Variants in TASP1 observed in about 807,000 individuals in gnomAD.
The protein encoded by TASP1 is threonine aspartase 1.
A neutral mutation model predicts 56.6 loss-of-function variants in TASP1; 16 were observed. The observed-to-expected ratio is 0.28, with a 90% CI of 0.19 to 0.43. The LOEUF (loss-of-function observed/expected upper bound fraction) is 0.43, where lower values mean the gene tolerates loss of function less well. Among genes scored for constraint, TASP1 ranks in the 20% least tolerant of loss-of-function variants. The pLI is 1.00. For missense variants in TASP1, 393 were observed against 511.6 expected (o/e 0.77, Z 2.24); for synonymous variants, 179 against 184.2 (o/e 0.97, Z 0.23).
intron 11 of TASP1, among the ~76,000 whole-genome samples, chr20:13,451,921 CAG>C (rs1244427621): frequency 6.6e-6 from 1 of 152,028 alleles, no homozygotes; most frequent in Admixed American, 6.6e-5. Context: ...CCTGAAGATG[CAG>C]AGTCATTAAT....
intron 8 of TASP1, among the ~76,000 whole-genome samples, chr20:13,546,754 G>T (rs117933627): frequency 6.6e-6 from 1 of 152,156 alleles, no homozygotes; most frequent in African/African-American, 2.4e-5. Flanking sequence ...CACCTCTTTG[G>T]AATGGCCAGT....
intron 13 of TASP1, among the ~76,000 whole-genome samples, chr20:13,394,228 G>A (rs1446603561): frequency 1.4e-5 from 2 of 142,076 alleles, no homozygotes; most frequent in Non-Finnish European, 3.0e-5. Flanking sequence ...AGGTTGCAGT[G>A]AGCCAACCTC....
intron 1 of TASP1, among the ~76,000 whole-genome samples, chr20:13,630,825 T>C (rs2049060743): frequency 6.6e-6 from 1 of 152,104 alleles, no homozygotes; most frequent in Admixed American, 6.5e-5. Context: ...CCAGTGTTTA[T>C]TACCAGCCCA....
intron 13 of TASP1, among the ~76,000 whole-genome samples, chr20:13,410,469 T>G (rs1433500640): frequency 6.6e-6 from 1 of 152,200 alleles, no homozygotes; most frequent in Non-Finnish European, 1.5e-5. Flanking sequence ...TTTCGTTTTT[T>G]CTGCATCCTC....
downstream of TASP1, among the ~76,000 whole-genome samples, chr20:13,385,022 A>G (rs1167598148): frequency 6.6e-6 from 1 of 152,250 alleles, no homozygotes; most frequent in African/African-American, 2.4e-5. Context: ...TGCCTTAAAC[A>G]TTTAGTTTTA....
At chr20:13,155,529 T>A in the TASP1 span, among the ~76,000 whole-genome samples, 2 of 152,076 alleles carry the variant, frequency 1.3e-5, no homozygotes, top group African/African-American at 4.8e-5. Context: ...TCACAAGCAG[T>A]TAAAACACAC....
chr20:13,456,385 G>A (rs2043836338), intron 11 of TASP1, among the ~76,000 whole-genome samples: 2 of 152,174 alleles, frequency 1.3e-5, no homozygotes, highest in East Asian at 1.9e-4. Context: ...GGGCAATTTT[G>A]TGAAAGTTTT....
chr20:13,626,676 A>T (rs2048903129), intron 2 of TASP1, among the ~76,000 whole-genome samples: 1 of 152,134 alleles, frequency 6.6e-6, no homozygotes, highest in African/African-American at 2.4e-5. Context: ...AGAACTCTGA[A>T]CATTCACAGA....
chr20:13,443,308 CAAAA>C (rs376722947), intron 11 of TASP1, among the ~76,000 whole-genome samples: 15 of 152,062 alleles, frequency 9.9e-5, no homozygotes, highest in African/African-American at 1.4e-4. Context: ...GTAAAGAAAA[CAAAA>C]AGAAAGAAAA....
chr20:13,380,303 T>A, the TASP1 span, among the ~76,000 whole-genome samples: 2 of 152,250 alleles, frequency 1.3e-5, no homozygotes, highest in Non-Finnish European at 2.9e-5. Context: ...CCTTTTTGTT[T>A]GTTAGTTTTC....
the TASP1 span, among the ~76,000 whole-genome samples, chr20:13,208,473 A>T: frequency 1.3e-5 from 2 of 152,108 alleles, no homozygotes; most frequent in African/African-American, 4.8e-5. Context: ...AGATTACAAA[A>T]CCAGCCACAC....
chr20:13,433,634 AT>A (rs1405866641), intron 12 of TASP1, among the ~76,000 whole-genome samples: 1 of 151,862 alleles, frequency 6.6e-6, no homozygotes, highest in African/African-American at 2.4e-5. Context: ...TTTTATGAAA[AT>A]GTTTTGGGCA....
chr20:13,247,030 G>T, the TASP1 span, among the ~76,000 whole-genome samples: 3 of 152,122 alleles, frequency 2.0e-5, no homozygotes, highest in African/African-American at 4.8e-5. Flanking sequence ...GAGATCAGGA[G>T]TTAGAGACCA....
intron 13 of TASP1, among the ~76,000 whole-genome samples, chr20:13,395,059 A>G (rs2041471200): frequency 6.6e-6 from 1 of 152,210 alleles, no homozygotes; most frequent in Non-Finnish European, 1.5e-5. Flanking sequence ...ATCTTCCAAG[A>G]CCACCTTAGA....
chr20:13,186,142 G>A, the TASP1 span, among the ~76,000 whole-genome samples: 139 of 152,316 alleles, frequency 9.1e-4, 2 homozygotes, highest in Middle Eastern at 0.017. Flanking sequence ...CCCAGTCTTA[G>A]AAGGGGGCCA....
the TASP1 span, among the ~76,000 whole-genome samples, chr20:13,270,225 G>A: frequency 6.6e-6 from 1 of 152,146 alleles, no homozygotes; most frequent in Non-Finnish European, 1.5e-5. Context: ...CCTCAAAATA[G>A]TGTTTTCATT....
chr20:13,390,998 T>A (rs921334582), intron 13 of TASP1, among the ~76,000 whole-genome samples: 3 of 152,040 alleles, frequency 2.0e-5, no homozygotes, highest in African/African-American at 7.2e-5. Context: ...AAGACGGAAG[T>A]GGGGCCAACG....
intron 4 of TASP1, chr20:13,614,577 C>T (rs754132949): frequency 4.1e-4 from 75 of 184,254 alleles, no homozygotes; most frequent in Non-Finnish European, 7.0e-4. Context: ...CAAAAAGGCA[C>T]TGCACATCTG....
At chr20:13,446,664 T>C (rs2043423158) in intron 11 of TASP1, among the ~76,000 whole-genome samples, 1 of 152,096 alleles carries the variant, frequency 6.6e-6, no homozygotes, top group African/African-American at 2.4e-5. Flanking sequence ...AAATTCTTCT[T>C]ATCAATAAAG....
Sources: gnomAD v4.1 joint callset for allele counts (sites outside exome capture counted in the v4.1 genomes callset) on GRCh38, gnomAD v4.1.1 for gene constraint, MANE v1.5 for transcripts, NCBI Gene and HGNC (gene_info 2026-07-23, HGNC 2026-07-21) for gene names.